The following HPSE2 variants were observed in gnomAD, a reference collection of about 807,000 sequenced individuals.
The protein encoded by HPSE2 is heparanase 2 (inactive).
HPSE2 carries 38 observed loss-of-function variants against 60.5 expected under a neutral mutation model. That is an observed-to-expected ratio of 0.63 (90% CI 0.48 to 0.82). The LOEUF is 0.82. Among genes scored for constraint, HPSE2 ranks in the 40% least tolerant of loss-of-function variants. HPSE2 has a pLI of 0.00. For missense variants in HPSE2, 713 were observed against 740.4 expected (o/e 0.96, Z 0.43); for synonymous variants, 295 against 293.2 (o/e 1.01, Z -0.06).
intron 3 of HPSE2, among the ~76,000 whole-genome samples, chr10:98,998,927 G>A (rs535674548): frequency 3.8e-4 from 58 of 152,256 alleles, no homozygotes; most frequent in African/African-American, 1.2e-3. Context: ...AATTCTGCCC[G>A]AAGGGCAAGC....
intron 2 of HPSE2, among the ~76,000 whole-genome samples, chr10:99,198,067 CAA>C (rs554156519): frequency 3.4e-5 from 4 of 117,202 alleles, no homozygotes; most frequent in Non-Finnish European, 3.6e-5. Context: ...GACTCCGTCT[CAA>C]AAAAAAAAAA....
At chr10:98,728,883 C>G (rs1949157558) in intron 4 of HPSE2, among the ~76,000 whole-genome samples, 1 of 152,064 alleles carries the variant, frequency 6.6e-6, no homozygotes, top group African/African-American at 2.4e-5. Flanking sequence ...GTGGCATGCA[C>G]CTGCAGTCCC....
chr10:99,021,068 G>A (rs376790026), intron 3 of HPSE2, among the ~76,000 whole-genome samples: 3 of 152,238 alleles, frequency 2.0e-5, no homozygotes, highest in East Asian at 1.9e-4. Flanking sequence ...TAAAGAACTC[G>A]AAATTATCTG....
chr10:99,144,474 T>C, intron 2 of HPSE2, 75 bp from the exon 3 acceptor site: 1 of 1,550,870 alleles, frequency 6.4e-7, no homozygotes, highest in Non-Finnish European at 8.8e-7. Flanking sequence ...CAAAGTCTTG[T>C]TTCACCCAAA....
the HPSE2 span, among the ~76,000 whole-genome samples, chr10:99,252,817 C>G: frequency 6.8e-6 from 1 of 147,158 alleles, no homozygotes; most frequent in African/African-American, 2.5e-5. Flanking sequence ...GCAGAGCTTG[C>G]AGTGAGCCAA....
intron 3 of HPSE2, among the ~76,000 whole-genome samples, chr10:99,119,373 T>C (rs889382932): frequency 8.5e-5 from 13 of 152,104 alleles, no homozygotes; most frequent in Admixed American, 7.2e-4. Context: ...TACCTAGGAA[T>C]ACAGCTAATG....
intron 3 of HPSE2, among the ~76,000 whole-genome samples, chr10:98,985,172 T>C (rs1035138719): frequency 3.0e-4 from 46 of 152,048 alleles, no homozygotes; most frequent in South Asian, 6.2e-4. Context: ...GAAGAGCAAC[T>C]CCAAGACACA....
chr10:98,753,193 G>T (rs541217617), intron 3 of HPSE2, among the ~76,000 whole-genome samples: 2 of 152,238 alleles, frequency 1.3e-5, no homozygotes, highest in African/African-American at 4.8e-5. Context: ...AAAGAGAACA[G>T]ATGTTATGTA....
chr10:98,554,066 T>C (rs1308861061), intron 9 of HPSE2, among the ~76,000 whole-genome samples: 1 of 152,196 alleles, frequency 6.6e-6, no homozygotes, highest in Non-Finnish European at 1.5e-5. Context: ...TAATAATATG[T>C]AATGTCTCAG....
chr10:99,257,443 C>T, the HPSE2 span, among the ~76,000 whole-genome samples: 1 of 152,144 alleles, frequency 6.6e-6, no homozygotes, highest in Non-Finnish European at 1.5e-5. Flanking sequence ...AAAATGGCCG[C>T]TTCGGGGGGC....
At chr10:98,788,527 G>C (rs1207915388) in intron 3 of HPSE2, among the ~76,000 whole-genome samples, 1 of 151,188 alleles carries the variant, frequency 6.6e-6, no homozygotes, top group Non-Finnish European at 1.5e-5. Flanking sequence ...GGCAATGGCA[G>C]GCGCCCCTCC....
the HPSE2 span, among the ~76,000 whole-genome samples, chr10:99,282,830 C>T: frequency 2.6e-5 from 4 of 151,890 alleles, no homozygotes; most frequent in Non-Finnish European, 4.4e-5. Flanking sequence ...ATATAACATA[C>T]CAAAACTTAC....
chr10:98,985,791 A>T (rs967316731), intron 3 of HPSE2, among the ~76,000 whole-genome samples: 2 of 152,216 alleles, frequency 1.3e-5, no homozygotes, highest in African/African-American at 4.8e-5. Flanking sequence ...AAACGGATGG[A>T]GGAAGATCTA....
intron 9 of HPSE2, among the ~76,000 whole-genome samples, chr10:98,603,831 A>G (rs1160526767): frequency 6.6e-6 from 1 of 152,114 alleles, no homozygotes; most frequent in Non-Finnish European, 1.5e-5. Context: ...GTGAAAGGAA[A>G]TACCCAACTC....
intron 3 of HPSE2, among the ~76,000 whole-genome samples, chr10:98,841,942 G>C (rs1490972576): frequency 6.6e-6 from 1 of 152,094 alleles, no homozygotes; most frequent in African/African-American, 2.4e-5. Context: ...GAGTAGCTGG[G>C]ACTACAGGCG....
At chr10:98,973,833 C>T (rs368276120) in intron 3 of HPSE2, among the ~76,000 whole-genome samples, 16 of 151,070 alleles carry the variant, frequency 1.1e-4, no homozygotes, top group African/African-American at 3.6e-4. Context: ...TTCCATATTG[C>T]CTATAATGAG....
At chr10:99,184,003 A>C (rs1847877291) in intron 2 of HPSE2, among the ~76,000 whole-genome samples, 1 of 152,158 alleles carries the variant, frequency 6.6e-6, no homozygotes, top group Non-Finnish European at 1.5e-5. Context: ...AAACAAAAAA[A>C]CTGACTCCAA....
intron 2 of HPSE2, among the ~76,000 whole-genome samples, chr10:99,172,774 A>G (rs1847364360): frequency 6.6e-6 from 1 of 152,134 alleles, no homozygotes; most frequent in Non-Finnish European, 1.5e-5. Flanking sequence ...TCTACTTGGG[A>G]GGCTGTGGCA....
intron 3 of HPSE2, among the ~76,000 whole-genome samples, chr10:99,117,012 GAAAGCGAAAAGA>G (rs913061903): frequency 4.0e-5 from 6 of 151,828 alleles, no homozygotes; most frequent in African/African-American, 1.5e-4. Flanking sequence ...AAAAAAGAAA[GAAAGCGAAAAGA>G]AAAACGAAAA....
Sources: allele counts gnomAD v4.1 joint callset (sites outside exome capture counted in the v4.1 genomes callset), GRCh38; gene constraint gnomAD v4.1.1; transcripts MANE v1.5; gene names NCBI Gene and HGNC (gene_info 2026-07-23, HGNC 2026-07-21).